Variants in PIN4 observed in about 807,000 individuals in gnomAD.
PIN4 encodes the protein peptidyl-prolyl cis-trans isomerase NIMA-interacting 4.
Under a neutral mutation model 8.3 loss-of-function variants are expected in PIN4, and 3 were observed. The ratio of observed to expected loss-of-function variants is 0.36; its 90% CI spans 0.16 to 0.93. PIN4 has a LOEUF of 0.93. Among genes scored for constraint, PIN4 ranks in the 40% least tolerant of loss-of-function variants. The probability of loss-of-function intolerance (pLI) is 0.44; values close to 1 mark genes in which losing one functional copy is unlikely to be tolerated. For synonymous variants in PIN4, 18 were observed against 32.5 expected (o/e 0.55, Z 1.52); for missense variants, 75 against 100.6 (o/e 0.75, Z 1.09).
intron 3 of PIN4, among the ~76,000 whole-genome samples, chrX:72,259,906 C>CT (rs200170012): frequency 6.9e-4 from 67 of 97,401 alleles, no homozygotes; most frequent in African/African-American, 1.6e-3. Context: ...AATTTTTTTT[C>CT]TTTTTTTTTT....
At chrX:72,262,856 A>G (rs750117506) in exon 4 of PIN4, 10 of 636,890 alleles carry the variant, frequency 1.6e-5, no homozygotes, top group African/African-American at 2.2e-5. Flanking sequence ...ATTAGTTCCA[A>G]TTTCAGAAGG....
At chrX:72,215,072 A>C (rs1231435473) in intron 3 of PIN4, among the ~76,000 whole-genome samples, 1 of 112,401 alleles carries the variant, frequency 8.9e-6, no homozygotes, top group African/African-American at 3.2e-5. Flanking sequence ...AAACTACTAC[A>C]TGTATGAATT....
rs932125871 is a variant in PIN4 at position 72,185,021 on chromosome X, G to A, written c.44-1440G>A. On this transcript the variant is annotated intron_variant, in intron 1 of 3. Transcript: ENST00000373669. ...TAGCGGGGCGTGGTGGCAGGCGCCT[G>A]TAGTCCCAGCTACTCGGGAGGCTGA... Among the ~76,000 whole-genome samples, 3 of 108,433 alleles carry A rather than the reference G, an allele frequency of 2.8e-5. No homozygotes were observed. In the South Asian group the frequency reaches 1.2e-3, roughly 44 times the overall value. The allele number at this position is 108,433 out of a possible 115,157, so 94.2% of individuals were successfully genotyped here.
At chrX:72,219,477 C>T (rs1461989689) in intron 3 of PIN4, among the ~76,000 whole-genome samples, 1 of 109,225 alleles carries the variant, frequency 9.2e-6, no homozygotes, top group African/African-American at 3.4e-5. Flanking sequence ...TCGCTTGAAC[C>T]TGGGAGATGG....
intron 2 of PIN4, 43 bp from the exon 3 acceptor site, chrX:72,196,742 T>C (rs2042768078): frequency 8.6e-7 from 1 of 1,157,452 alleles, no homozygotes; most frequent in Non-Finnish European, 1.2e-6. Context: ...TAAGGAGTCA[T>C]TTGGGTCTCC....
At chrX:72,261,678 C>A (rs1243648069) in intron 3 of PIN4, among the ~76,000 whole-genome samples, 1 of 112,068 alleles carries the variant, frequency 8.9e-6, no homozygotes, top group African/African-American at 3.2e-5. Flanking sequence ...GCCAATTAGA[C>A]CTGGTTATTA....
intron 3 of PIN4, among the ~76,000 whole-genome samples, chrX:72,220,598 C>T (rs1011873799): frequency 9.1e-6 from 1 of 110,356 alleles, no homozygotes; most frequent in Non-Finnish European, 1.9e-5. Flanking sequence ...CAGGAGGATG[C>T]CAGCCTTGAG....
chrX:72,235,584 G>A (rs2043012976), intron 3 of PIN4, among the ~76,000 whole-genome samples: 1 of 109,514 alleles, frequency 9.1e-6, no homozygotes, highest in Admixed American at 9.7e-5. Flanking sequence ...TTGTAGAAAC[G>A]GTTTCATCAC....
chrX:72,223,255 A>G (rs58021546), intron 3 of PIN4, among the ~76,000 whole-genome samples: 1 of 99,819 alleles, frequency 1.0e-5, no homozygotes, highest in Non-Finnish European at 2.0e-5. Flanking sequence ...CAGGAGAATC[A>G]CTTGAACCTG....
At chrX:72,199,917 A>G (rs1305876336), downstream of PIN4, among the ~76,000 whole-genome samples, 7 of 112,002 alleles carry the variant, frequency 6.2e-5, no homozygotes, top group African/African-American at 1.9e-4. Context: ...TGTAATCCCA[A>G]CACTTTGGGA....
intron 3 of PIN4, among the ~76,000 whole-genome samples, chrX:72,241,658 A>T (rs1320119929): frequency 9.0e-6 from 1 of 111,439 alleles, no homozygotes; most frequent in Non-Finnish European, 1.9e-5. Flanking sequence ...CTCTACTAAA[A>T]ATGCAAAATT....
At chrX:72,236,827 C>T (rs996667628) in intron 3 of PIN4, among the ~76,000 whole-genome samples, 1 of 112,091 alleles carries the variant, frequency 8.9e-6, no homozygotes, top group African/African-American at 3.2e-5. Flanking sequence ...AAGTCAGTTT[C>T]CAAGAACCTA....
intron 3 of PIN4, chrX:72,238,848 G>A (rs759024714): frequency 4.6e-5 from 55 of 1,190,238 alleles, no homozygotes; most frequent in Non-Finnish European, 5.4e-5. Context: ...ACATACCTTA[G>A]GTAATGAGCA....
At chrX:72,185,147 C>CAAAAAAAAA (rs746215043) in intron 1 of PIN4, among the ~76,000 whole-genome samples, 5,921 of 24,388 alleles carry the variant, frequency 0.24, 2,064 homozygotes, top group Non-Finnish European at 0.37. Context: ...GACTCCGTCT[C>CAAAAAAAAA]AAAAAAAAAA....
At chrX:72,197,337 C>A in intron 3 of PIN4, 31 bp from the exon 4 acceptor site, 1 of 1,176,523 alleles carries the variant, frequency 8.5e-7, no homozygotes, top group Non-Finnish European at 1.1e-6. Flanking sequence ...TTCTGGGCCA[C>A]TTGATATCAC....
rs35952560 is a variant in PIN4, at chrX:72,245,069, C to CAA, written c.313-17608_313-17607dup. ...CCCGAGTGACAGAGTGAGATCCTGT[C>CAA]AAAAAAAAAAAAAAAAAAAAAAAAA... On this transcript the variant is annotated intron_variant, in intron 3 of 3. Coordinates refer to the PIN4 transcript ENST00000423432. 5.8e-3 allele frequency among the ~76,000 whole-genome samples: 115 copies of CAA among 19,758 alleles called. 9 individuals are homozygous for CAA. The highest frequency in any genetic ancestry group is 7.3e-3 in the African/African-American group (36 of 4,936). The allele number at this position is 19,758 out of a possible 115,157, so 17.2% of individuals were successfully genotyped here.
At chrX:72,201,291 A>G (rs1354486890), downstream of PIN4, among the ~76,000 whole-genome samples, 2 of 112,501 alleles carry the variant, frequency 1.8e-5, no homozygotes, top group Admixed American at 9.4e-5. Flanking sequence ...CAGTAGTCCA[A>G]AGTTTTTAAA....
rs1402553692 is a variant in PIN4, at chrX:72,192,077, G to A, written c.118-4708G>A. Among the ~76,000 whole-genome samples the A allele has an allele frequency of 1.1e-4, 12 of 110,461 alleles. No homozygotes were observed. In the East Asian group the frequency reaches 1.1e-3, roughly 10 times the overall value. On this transcript the variant is annotated intron_variant, in intron 2 of 3. Transcript: ENST00000373669. Reference sequence around the variant, plus strand: ...AGCGATTCTCCTGCTTCAGCCTCCCGAGTAGCTGGGATTACAGGCATCCAC... The same window carrying A: ...AGCGATTCTCCTGCTTCAGCCTCCCAAGTAGCTGGGATTACAGGCATCCAC...
chrX:72,205,924 TGTG>T, intron 3 of PIN4: 1 of 1,211,031 alleles, frequency 8.3e-7, no homozygotes, highest in Non-Finnish European at 1.1e-6. Flanking sequence ...ACATGCATAC[TGTG>T]GTGAAGATGC....
Sources: gnomAD v4.1 joint callset for allele counts (sites outside exome capture counted in the v4.1 genomes callset) on GRCh38, gnomAD v4.1.1 for gene constraint, MANE v1.5 for transcripts, NCBI Gene and HGNC (gene_info 2026-07-23, HGNC 2026-07-21) for gene names.